Variants in SLIT3 observed in about 807,000 individuals in gnomAD.
The protein encoded by SLIT3 is slit homolog 3 protein.
Under a neutral mutation model 184.0 loss-of-function variants are expected in SLIT3, and 68 were observed. That is an observed-to-expected ratio of 0.37 (90% CI 0.30 to 0.45). The LOEUF (loss-of-function observed/expected upper bound fraction) is 0.45, where lower values mean the gene tolerates loss of function less well. Ranked by LOEUF, SLIT3 falls within the 20% of genes least tolerant of loss-of-function variation. SLIT3 has a pLI of 1.00. For synonymous variants in SLIT3, 831 were observed against 828.6 expected, an observed-to-expected ratio of 1.00 and a Z score of -0.05; for missense variants, 1,707 against 2,026.0, an observed-to-expected ratio of 0.84 and a Z score of 3.02.
chr5:168,802,811 T>C (rs146980818), intron 9 of SLIT3, among the ~76,000 whole-genome samples: 345 of 152,340 alleles, frequency 2.3e-3, no homozygotes, highest in African/African-American at 7.8e-3. Context: ...TAGTATATCC[T>C]ACGGACCAGA....
chr5:168,783,633 A>C (rs1334514000), intron 12 of SLIT3, among the ~76,000 whole-genome samples: 88 of 152,318 alleles, frequency 5.8e-4, no homozygotes, highest in Non-Finnish European at 2.9e-5. Context: ...AGGAGAGAAA[A>C]TAACTCAGAC....
chr5:168,748,221 C>T (rs1754559552), intron 20 of SLIT3, 81 bp downstream of exon 20: 6 of 1,392,948 alleles, frequency 4.3e-6, no homozygotes, highest in Non-Finnish European at 2.8e-6. Context: ...TGTTGCCTTG[C>T]TTGAGATTCT....
chr5:169,096,072 A>G (rs1467485768), intron 4 of SLIT3, among the ~76,000 whole-genome samples: 1 of 152,230 alleles, frequency 6.6e-6, no homozygotes, highest in Non-Finnish European at 1.5e-5. Flanking sequence ...ATGCATTTGC[A>G]TAATTACATA....
At chr5:168,940,350 G>C (rs1257379757) in intron 4 of SLIT3, among the ~76,000 whole-genome samples, 3 of 152,122 alleles carry the variant, frequency 2.0e-5, no homozygotes, top group Non-Finnish European at 4.4e-5. Context: ...TGATTCCAGA[G>C]AAAGAAGGTG....
intron 4 of SLIT3, among the ~76,000 whole-genome samples, chr5:169,079,927 G>A (rs749226852): frequency 2.0e-5 from 3 of 150,736 alleles, no homozygotes; most frequent in Admixed American, 6.6e-5. Flanking sequence ...AAGAGGAATG[G>A]CAAAGGGAAG....
intron 35 of SLIT3, 190 bp from the exon 36 acceptor site, chr5:168,666,879 C>T (rs1761072631): frequency 1.1e-6 from 1 of 882,430 alleles, no homozygotes; most frequent in African/African-American, 1.7e-5. Context: ...CTGTACCAGG[C>T]TCTCTGACAG....
At chr5:169,214,538 C>T (rs151029501) in intron 3 of SLIT3, among the ~76,000 whole-genome samples, 142 of 152,210 alleles carry the variant, frequency 9.3e-4, no homozygotes, top group Middle Eastern at 3.4e-3. Flanking sequence ...AGGGGAGGTG[C>T]GGCAAATCCG....
chr5:169,013,968 T>G (rs1054646315), intron 4 of SLIT3, among the ~76,000 whole-genome samples: 12 of 152,184 alleles, frequency 7.9e-5, no homozygotes, highest in African/African-American at 2.9e-4. Flanking sequence ...TTCCTGTGTG[T>G]GATAGTTATT....
At chr5:168,934,905 G>A (rs1290585536) in intron 4 of SLIT3, among the ~76,000 whole-genome samples, 2 of 151,082 alleles carry the variant, frequency 1.3e-5, no homozygotes, top group African/African-American at 2.4e-5. Context: ...CGAGATGGGC[G>A]GATCACAAGG....
intron 4 of SLIT3, among the ~76,000 whole-genome samples, chr5:168,970,948 A>C (rs1184021227): frequency 3.9e-5 from 6 of 152,174 alleles, no homozygotes; most frequent in African/African-American, 1.4e-4. Context: ...AAATCAGACA[A>C]GTCCCCTCCA....
At chr5:168,748,831 C>G (rs533341594) in intron 19 of SLIT3, among the ~76,000 whole-genome samples, 1 of 152,352 alleles carries the variant, frequency 6.6e-6, no homozygotes, top group Non-Finnish European at 1.5e-5. Flanking sequence ...TCCCAAGCCT[C>G]CATTGTGCCT....
At chr5:169,227,490 C>T (rs1040371136) in intron 3 of SLIT3, among the ~76,000 whole-genome samples, 27 of 152,248 alleles carry the variant, frequency 1.8e-4, no homozygotes, top group Admixed American at 1.6e-3. Flanking sequence ...TACAGTGGCA[C>T]GATCTTGGCT....
At chr5:168,847,564 A>G (rs1046635551) in intron 5 of SLIT3, among the ~76,000 whole-genome samples, 23 of 152,206 alleles carry the variant, frequency 1.5e-4, no homozygotes, top group Non-Finnish European at 4.4e-5. Flanking sequence ...CATTCCTGAT[A>G]CTTCCTGCAA....
chr5:168,956,472 T>C (rs1157249481), intron 4 of SLIT3, among the ~76,000 whole-genome samples: 1 of 152,142 alleles, frequency 6.6e-6, no homozygotes, highest in Non-Finnish European at 1.5e-5. Context: ...TTACCTACAA[T>C]GAGAAGGCTC....
chr5:168,684,504 T>C (rs893035189), intron 31 of SLIT3, among the ~76,000 whole-genome samples: 2 of 152,194 alleles, frequency 1.3e-5, no homozygotes, highest in African/African-American at 4.8e-5. Context: ...TTAGGCAGAA[T>C]CTTGGCCCAG....
At chr5:168,944,474 A>G (rs1166980893) in intron 4 of SLIT3, among the ~76,000 whole-genome samples, 2 of 152,176 alleles carry the variant, frequency 1.3e-5, no homozygotes, top group African/African-American at 4.8e-5. Context: ...ATGGTTTTGA[A>G]CAATTTTGCA....
intron 7 of SLIT3, among the ~76,000 whole-genome samples, chr5:168,820,779 C>A (rs1158128280): frequency 6.6e-6 from 1 of 152,180 alleles, no homozygotes; most frequent in African/African-American, 2.4e-5. Flanking sequence ...ATAAAAGGTG[C>A]CTTTTAGCCA....
intron 5 of SLIT3, among the ~76,000 whole-genome samples, chr5:168,877,304 T>C (rs1759767781): frequency 6.6e-6 from 1 of 152,116 alleles, no homozygotes; most frequent in South Asian, 2.1e-4. Flanking sequence ...GCTGGCTGTG[T>C]GGAGGTCTGA....
At chr5:168,884,297 G>A (rs191754128) in intron 4 of SLIT3, among the ~76,000 whole-genome samples, 62 of 151,116 alleles carry the variant, frequency 4.1e-4, no homozygotes, top group Non-Finnish European at 4.6e-4. Flanking sequence ...GGCTGTTCCC[G>A]CACAGCCACA....
Sources: gnomAD v4.1 joint callset for allele counts (sites outside exome capture counted in the v4.1 genomes callset) on GRCh38, gnomAD v4.1.1 for gene constraint, MANE v1.5 for transcripts, NCBI Gene and HGNC (gene_info 2026-07-23, HGNC 2026-07-21) for gene names.